MTUS2: variants seen among roughly 807,000 people sequenced by gnomAD.
MTUS2 encodes microtubule-associated tumor suppressor candidate 2.
A neutral mutation model predicts 114.1 loss-of-function variants in MTUS2; 40 were observed. That is an observed-to-expected ratio of 0.35 (90% confidence interval 0.27 to 0.46). The LOEUF is 0.46. Ranked by LOEUF, MTUS2 falls within the 20% of genes least tolerant of loss-of-function variation. The pLI, the probability that MTUS2 is intolerant of heterozygous loss-of-function variation, is 1.00. For synonymous variants in MTUS2, 688 were observed against 672.0 expected, an observed-to-expected ratio of 1.02 and a Z score of -0.37; for missense variants, 1,679 against 1,705.4, an observed-to-expected ratio of 0.98 and a Z score of 0.27.
chr13:28,956,063 C>G lies in MTUS2; in HGVS notation c.-242-68394C>G, dbSNP rs116314488. Among the ~76,000 whole-genome samples, 1,036 of 144,652 alleles carry G rather than the reference C, an allele frequency of 7.2e-3. 16 individuals carry two copies. The highest frequency in any genetic ancestry group is 0.025 in the African/African-American group (977 of 38,854). 94.9% of individuals were successfully genotyped at this position (144,652 alleles called of 152,430 possible). A position where few individuals can be genotyped will look rare whatever the true frequency, so the allele number is the denominator to read the frequency against. On this transcript the variant is annotated intron_variant, in intron 2 of 15. Coordinates refer to ENST00000612955, the MANE Select transcript of MTUS2 (RefSeq NM_001033602.4). Reference sequence around the variant, plus strand: ...TAGTCTTCTGTCTCTTGCCCCCCCCCATCCTTTCCCCCAAGTCCCCAAAGT... The same window carrying G: ...TAGTCTTCTGTCTCTTGCCCCCCCCGATCCTTTCCCCCAAGTCCCCAAAGT...
intron 4 of MTUS2, among the ~76,000 whole-genome samples, chr13:29,041,800 T>C (rs1216167038): frequency 6.6e-6 from 1 of 152,222 alleles, no homozygotes; most frequent in African/African-American, 2.4e-5. Context: ...GCTACTGATC[T>C]GTGTATATTG....
chr13:29,028,049 T>C (rs1055440449), intron 3 of MTUS2, among the ~76,000 whole-genome samples: 1 of 151,884 alleles, frequency 6.6e-6, no homozygotes, highest in Non-Finnish European at 1.5e-5. Context: ...GACAGCTGAG[T>C]GATCAGTTAA....
intron 4 of MTUS2, among the ~76,000 whole-genome samples, chr13:29,071,645 C>T (rs1196599724): frequency 6.6e-6 from 1 of 151,798 alleles, no homozygotes; most frequent in African/African-American, 2.4e-5. Context: ...TCAGGCTGGT[C>T]TCGAACTCCT....
At chr13:29,226,691 A>C (rs1345657137) in intron 5 of MTUS2, among the ~76,000 whole-genome samples, 3 of 152,126 alleles carry the variant, frequency 2.0e-5, no homozygotes, top group African/African-American at 7.2e-5. Context: ...CTTTATTTAT[A>C]CTTGAAGTCT....
intron 7 of MTUS2, among the ~76,000 whole-genome samples, chr13:29,325,749 A>G (rs1381452300): frequency 6.6e-6 from 1 of 152,184 alleles, no homozygotes; most frequent in Admixed American, 6.5e-5. Flanking sequence ...TGCTCTTTCA[A>G]TATCTTAATT....
At chr13:28,853,544 C>G (rs948659803) in intron 2 of MTUS2, among the ~76,000 whole-genome samples, 1 of 152,126 alleles carries the variant, frequency 6.6e-6, no homozygotes, top group African/African-American at 2.4e-5. Context: ...GGTGGAAGTT[C>G]CATTGTGTGG....
intron 4 of MTUS2, among the ~76,000 whole-genome samples, chr13:29,043,352 T>A (rs943120683): frequency 2.6e-5 from 4 of 152,250 alleles, no homozygotes; most frequent in Non-Finnish European, 5.9e-5. Context: ...TTGTGGCCTA[T>A]CATATGCTCT....
At chr13:29,260,245 C>T (rs1389237216) in intron 5 of MTUS2, among the ~76,000 whole-genome samples, 2 of 152,320 alleles carry the variant, frequency 1.3e-5, no homozygotes, top group Admixed American at 1.3e-4. Flanking sequence ...CAGTTGAAAT[C>T]AGTTGCTATT....
chr13:29,170,544 A>G lies in MTUS2; in HGVS notation c.2644+69574A>G, dbSNP rs192721423. ...ATTTTAATCAGATGACATGATTTAT[A>G]TAAAAATGCTGAGTGAACTGTAAAA... On this transcript the variant is annotated intron_variant, in intron 5 of 15. Coordinates refer to ENST00000612955, the MANE Select transcript of MTUS2 (RefSeq NM_001033602.4). 3.6e-4 allele frequency among the ~76,000 whole-genome samples: 55 copies of G among 152,348 alleles called. No individual in the cohort carries two copies. The East Asian group carries it at 9.1e-3, about 25-fold the overall frequency.
intron 2 of MTUS2, among the ~76,000 whole-genome samples, chr13:28,845,658 T>TG (rs1566173176): frequency 1.3e-5 from 2 of 151,672 alleles, no homozygotes; most frequent in African/African-American, 4.9e-5. Context: ...TCTGTTTTGT[T>TG]TGTTTTTTTT....
At chr13:28,836,168 A>G (rs1187940337) in intron 1 of MTUS2, among the ~76,000 whole-genome samples, 4 of 152,244 alleles carry the variant, frequency 2.6e-5, no homozygotes, top group Admixed American at 2.6e-4. Flanking sequence ...AACCTAAAAT[A>G]TTTAAAATAC....
intron 4 of MTUS2, among the ~76,000 whole-genome samples, chr13:29,093,515 C>T (rs1890052574): frequency 6.6e-6 from 1 of 152,122 alleles, no homozygotes; most frequent in South Asian, 2.1e-4. Context: ...TCCTTTTGGT[C>T]TACTGTAAAT....
At chr13:29,284,747 G>A (rs905837106) in intron 6 of MTUS2, among the ~76,000 whole-genome samples, 5 of 152,148 alleles carry the variant, frequency 3.3e-5, no homozygotes, top group Non-Finnish European at 7.3e-5. Flanking sequence ...CTGAACATGT[G>A]TATTATGGGA....
In MTUS2 at chr13:29,335,196, G is replaced by A. The variant is rs571008507; in HGVS notation, c.2905+10485G>A. Among the ~76,000 whole-genome samples the A allele has an allele frequency of 2.0e-5, 3 of 152,296 alleles. No individual in the cohort carries two copies. The South Asian group carries it at 6.2e-4, about 32-fold the overall frequency. ...GAAAGAGAATGCGTCCCTAAGGAGA[G>A]ATCTCTAAAATGGCTGCTTTGGAGA... On this transcript the variant is annotated intron_variant, in intron 7 of 15. Coordinates refer to ENST00000612955, the MANE Select transcript of MTUS2 (RefSeq NM_001033602.4).
At chr13:29,288,376 C>T (rs575118707) in intron 6 of MTUS2, among the ~76,000 whole-genome samples, 5 of 151,922 alleles carry the variant, frequency 3.3e-5, no homozygotes, top group Non-Finnish European at 5.9e-5. Context: ...GAGCACAGAG[C>T]GGGGCAGCAG....
At chr13:29,182,304 C>T (rs1028600902) in intron 5 of MTUS2, among the ~76,000 whole-genome samples, 1 of 152,212 alleles carries the variant, frequency 6.6e-6, no homozygotes, top group Non-Finnish European at 1.5e-5. Context: ...CTCTGCTTAG[C>T]CTTCTTTATT....
chr13:29,064,679 T>C (rs1888581831), intron 4 of MTUS2, among the ~76,000 whole-genome samples: 1 of 152,150 alleles, frequency 6.6e-6, no homozygotes, highest in African/African-American at 2.4e-5. Context: ...GGTTGTTATA[T>C]AGGTTAGCAT....
chr13:28,853,108 C>A (rs1474688623), intron 2 of MTUS2, among the ~76,000 whole-genome samples: 3 of 151,596 alleles, frequency 2.0e-5, no homozygotes, highest in Non-Finnish European at 2.9e-5. Flanking sequence ...GTCTTAAATG[C>A]CTTCATGTTG....
intron 2 of MTUS2, among the ~76,000 whole-genome samples, chr13:28,967,844 T>A (rs1441167466): frequency 1.3e-5 from 2 of 152,202 alleles, no homozygotes; most frequent in African/African-American, 2.4e-5. Flanking sequence ...ATTTGTTTCA[T>A]ATGGAGTATA....
Sources: gnomAD v4.1 joint callset for allele counts (sites outside exome capture counted in the v4.1 genomes callset) on GRCh38, gnomAD v4.1.1 for gene constraint, MANE v1.5 for transcripts, NCBI Gene and HGNC (gene_info 2026-07-23, HGNC 2026-07-21) for gene names.